The following DSCAM variants were observed in gnomAD, a reference collection of about 807,000 sequenced individuals.
DSCAM encodes the protein cell adhesion molecule DSCAM.
Under a neutral mutation model 217.7 loss-of-function variants are expected in DSCAM, and 47 were observed. That is an observed-to-expected ratio of 0.22 (90% CI 0.17 to 0.28). The LOEUF (loss-of-function observed/expected upper bound fraction) is 0.28, where lower values mean the gene tolerates loss of function less well. DSCAM is among the 10% of genes least tolerant of loss of function. DSCAM has a pLI of 1.00. For missense variants in DSCAM, 2,080 were observed against 2,618.3 expected (o/e 0.79, Z 4.49); for synonymous variants, 1,056 against 1,015.3 (o/e 1.04, Z -0.76).
intron 3 of DSCAM, among the ~76,000 whole-genome samples, chr21:40,378,156 G>A (rs1019141265): frequency 6.6e-6 from 1 of 152,158 alleles, no homozygotes; most frequent in African/African-American, 2.4e-5. Context: ...TCTAGGATTA[G>A]TCAACTTAAT....
chr21:40,376,510 C>CGATATCTATATATCTTATATA (rs1569092813), intron 3 of DSCAM, among the ~76,000 whole-genome samples: 1 of 73,116 alleles, frequency 1.4e-5, no homozygotes, highest in South Asian at 4.4e-4. Flanking sequence ...TATCTTATAT[C>CGATATCTATATATCTTATATA]GATATCTATA....
At chr21:40,029,102 A>G (rs955222757) in intron 32 of DSCAM, among the ~76,000 whole-genome samples, 7 of 152,012 alleles carry the variant, frequency 4.6e-5, no homozygotes, top group African/African-American at 7.3e-5. Flanking sequence ...CTTTTGAGAA[A>G]TAGCTGCAAA....
intron 3 of DSCAM, among the ~76,000 whole-genome samples, chr21:40,514,838 T>C (rs555511939): frequency 2.0e-4 from 30 of 152,324 alleles, no homozygotes; most frequent in African/African-American, 6.0e-4. Context: ...ATGAGCTCTT[T>C]AAAGGGAACA....
chr21:40,655,533 C>G (rs2090065332), intron 3 of DSCAM, among the ~76,000 whole-genome samples: 1 of 151,508 alleles, frequency 6.6e-6, no homozygotes, highest in African/African-American at 2.4e-5. Flanking sequence ...GCCTTGACCT[C>G]CTGGGATCAA....
chr21:40,282,738 T>G (rs2073779706), intron 10 of DSCAM, among the ~76,000 whole-genome samples: 1 of 152,136 alleles, frequency 6.6e-6, no homozygotes, highest in Non-Finnish European at 1.5e-5. Flanking sequence ...CAACACATTG[T>G]TTTCCTTTTC....
At chr21:40,271,100 G>A (rs577179069) in intron 11 of DSCAM, among the ~76,000 whole-genome samples, 72 of 152,360 alleles carry the variant, frequency 4.7e-4, no homozygotes, top group African/African-American at 1.7e-3. Context: ...TCAGGTCAGA[G>A]CTGAGTGAGT....
chr21:40,187,106 A>T, intron 14 of DSCAM, 25 bp downstream of exon 14: 1 of 1,610,572 alleles, frequency 6.2e-7, no homozygotes. Context: ...GGTGGAAGGG[A>T]AGCTGGAGGA....
intron 3 of DSCAM, among the ~76,000 whole-genome samples, chr21:40,440,071 G>GC (rs1351336953): frequency 6.6e-6 from 1 of 151,518 alleles, no homozygotes; most frequent in East Asian, 1.9e-4. Context: ...AAGCAACCTG[G>GC]GTCTTCTGAA....
At chr21:40,432,111 G>C (rs1008371043) in intron 3 of DSCAM, among the ~76,000 whole-genome samples, 1 of 152,088 alleles carries the variant, frequency 6.6e-6, no homozygotes, top group Non-Finnish European at 1.5e-5. Context: ...GCTGAGGCAG[G>C]AGAATTGCTT....
chr21:40,814,174 T>G (rs1361185588), intron 1 of DSCAM, among the ~76,000 whole-genome samples: 1 of 152,144 alleles, frequency 6.6e-6, no homozygotes, highest in Non-Finnish European at 1.5e-5. Context: ...AACAACAGCT[T>G]TATTTGTGGC....
intron 3 of DSCAM, among the ~76,000 whole-genome samples, chr21:40,564,557 C>G (rs2076750702): frequency 6.6e-6 from 1 of 152,150 alleles, no homozygotes; most frequent in African/African-American, 2.4e-5. Context: ...GGGCTGAGGA[C>G]AGCACCAAGT....
At chr21:40,664,771 G>A (rs968601502) in intron 3 of DSCAM, among the ~76,000 whole-genome samples, 1 of 152,174 alleles carries the variant, frequency 6.6e-6, no homozygotes, top group African/African-American at 2.4e-5. Flanking sequence ...CAGAGGAGAA[G>A]CAACAAATGG....
chr21:40,266,245 A>G (rs1473526994), intron 11 of DSCAM, among the ~76,000 whole-genome samples: 4 of 152,208 alleles, frequency 2.6e-5, no homozygotes, highest in African/African-American at 7.2e-5. Context: ...AACGTGTGAA[A>G]AAACTGCTCA....
rs530932269 is a variant in DSCAM, at chr21:40,491,503, G to A, written c.509-122258C>T. On this transcript the variant is annotated intron_variant, in intron 3 of 32. Transcript: ENST00000400454. ...TCTCAGTTCAGCAACTGCTGCAGTT[G>A]CTAAAACAGAAATTAGATTCTCTGT... Among the ~76,000 whole-genome samples, 10 of 151,070 alleles carry A rather than the reference G, an allele frequency of 6.6e-5. No homozygotes were observed. The South Asian group carries it at 1.9e-3, about 29-fold the overall frequency.
intron 3 of DSCAM, among the ~76,000 whole-genome samples, chr21:40,672,032 C>G (rs2090282548): frequency 6.6e-6 from 1 of 152,170 alleles, no homozygotes; most frequent in African/African-American, 2.4e-5. Context: ...TTGCAGACAG[C>G]CACCTTCTGT....
intron 9 of DSCAM, among the ~76,000 whole-genome samples, chr21:40,297,149 A>C (rs2073964210): frequency 6.6e-6 from 1 of 152,166 alleles, no homozygotes; most frequent in African/African-American, 2.4e-5. Context: ...TAGTGTGCCT[A>C]TAAAAAACAA....
chr21:40,489,964 C>T (rs116942430), intron 3 of DSCAM, among the ~76,000 whole-genome samples: 12,273 of 152,042 alleles, frequency 0.081, 629 homozygotes, highest in Middle Eastern at 0.15. Context: ...AAAGACATAT[C>T]AGAGACTGGG....
Position 40,197,048 on chromosome 21 carries a change from G to A in DSCAM, c.2357-7810C>T, listed in dbSNP as rs190047463. Among the ~76,000 whole-genome samples the A allele has an allele frequency of 2.0e-5, 3 of 152,252 alleles. No homozygotes were observed. The East Asian group carries it at 5.8e-4, about 29-fold the overall frequency. ...TTTAAATGGGCAAAAATAAAGATTAGAATATAAGAGAATTTTGGAATTAAT... is the reference window on the plus strand; with the variant it reads ...TTTAAATGGGCAAAAATAAAGATTAAAATATAAGAGAATTTTGGAATTAAT... On this transcript the variant is annotated intron_variant, in intron 11 of 32. Coordinates refer to ENST00000400454, the MANE Select transcript of DSCAM (RefSeq NM_001389.5).
intron 3 of DSCAM, among the ~76,000 whole-genome samples, chr21:40,486,241 G>C (rs971352586): frequency 1.3e-5 from 2 of 152,080 alleles, no homozygotes; most frequent in African/African-American, 4.8e-5. Context: ...ATAATCACCC[G>C]GCATGGTTTA....
Sources: gnomAD v4.1 joint callset for allele counts (sites outside exome capture counted in the v4.1 genomes callset) on GRCh38, gnomAD v4.1.1 for gene constraint, MANE v1.5 for transcripts, NCBI Gene and HGNC (gene_info 2026-07-23, HGNC 2026-07-21) for gene names.